NUP155: variants seen among roughly 807,000 people sequenced by gnomAD.
NUP155 encodes nucleoporin 155.
Under a neutral mutation model 180.4 loss-of-function variants are expected in NUP155, and 71 were observed. The observed-to-expected ratio is 0.39, with a 90% confidence interval of 0.33 to 0.48. The LOEUF is 0.48. NUP155 is among the 20% of genes least tolerant of loss of function. The probability of loss-of-function intolerance (pLI) is 0.91; values close to 1 mark genes in which losing one functional copy is unlikely to be tolerated. For synonymous variants in NUP155, 582 were observed against 559.5 expected (o/e 1.04, Z -0.57); for missense variants, 1,553 against 1,648.9 (o/e 0.94, Z 1.01).
At chr5:37,317,227 A>G (rs944397168) in intron 21 of NUP155, among the ~76,000 whole-genome samples, 9 of 147,980 alleles carry the variant, frequency 6.1e-5, no homozygotes, top group Non-Finnish European at 1.3e-4. Flanking sequence ...GGTGGCTCAC[A>G]TCTGTAATCC....
chr5:37,319,724 A>G (rs977012896), intron 20 of NUP155, among the ~76,000 whole-genome samples: 1 of 152,180 alleles, frequency 6.6e-6, no homozygotes, highest in Admixed American at 6.5e-5. Flanking sequence ...TAAAAAAATT[A>G]GCTGAGCATG....
chr5:37,327,903 C>T (rs575781697), intron 17 of NUP155, 127 bp from the exon 18 acceptor site: 1 of 1,033,816 alleles, frequency 9.7e-7, no homozygotes, highest in Non-Finnish European at 1.4e-6. Flanking sequence ...ATTCTCATAA[C>T]CCAAGTTTGT....
intron 1 of NUP155, among the ~76,000 whole-genome samples, chr5:37,365,159 G>C (rs984116194): frequency 6.6e-6 from 1 of 151,786 alleles, no homozygotes; most frequent in Non-Finnish European, 1.5e-5. Flanking sequence ...CTACTGCGGA[G>C]GCTGAGGCAG....
chr5:37,293,063 C>T, intron 33 of NUP155, 78 bp from the exon 34 acceptor site: 1 of 957,478 alleles, frequency 1.0e-6, no homozygotes, highest in Non-Finnish European at 1.7e-6. Flanking sequence ...CTAAAGTAGA[C>T]ATCAGGATCC....
At chr5:37,344,267 C>T (rs1263996399) in intron 9 of NUP155, among the ~76,000 whole-genome samples, 1 of 149,616 alleles carries the variant, frequency 6.7e-6, no homozygotes, top group African/African-American at 2.5e-5. Flanking sequence ...CACTGGAACT[C>T]GGAGGCAGAG....
At chr5:37,309,389 A>T in intron 23 of NUP155, 122 bp from the exon 24 acceptor site, 1 of 804,648 alleles carries the variant, frequency 1.2e-6, no homozygotes, top group Non-Finnish European at 1.9e-6. Context: ...AATGAAAACA[A>T]CTCTACAAAC....
intron 32 of NUP155, 115 bp from the exon 33 acceptor site, chr5:37,294,580 A>G (rs993846291): frequency 9.6e-7 from 1 of 1,041,600 alleles, no homozygotes; most frequent in Non-Finnish European, 1.4e-6. Context: ...TCCAATTGCA[A>G]TTTTTTGGGG....
At chr5:37,306,624 C>T (rs186087232) in intron 25 of NUP155, among the ~76,000 whole-genome samples, 206 of 151,870 alleles carry the variant, frequency 1.4e-3, no homozygotes, top group Non-Finnish European at 2.0e-3. Context: ...TGCACCACCA[C>T]GCCTGGCTAA....
Position 37,302,715 on chromosome 5 carries a change from G to A in NUP155, c.3447+64C>T, listed in dbSNP as rs192489784. 2.1e-5 allele frequency: 32 copies of A among 1,541,486 alleles called. No homozygotes were observed. In the African/African-American group the frequency reaches 4.2e-4, roughly 20 times the overall value. ...CCTATTACTTACCAAGGGAAGAATG[G>A]AATGTGGAATAACTATGTGGCTAGT... On this transcript the variant is annotated intron_variant, in intron 29 of 34. Transcript: ENST00000231498.
intron 1 of NUP155, among the ~76,000 whole-genome samples, chr5:37,366,930 G>A (rs995532249): frequency 2.2e-4 from 34 of 152,228 alleles, no homozygotes; most frequent in African/African-American, 6.5e-4. Context: ...GATTACAGGC[G>A]TGAGCCACCG....
At chr5:37,295,820 C>T (rs1203803723) in intron 32 of NUP155, among the ~76,000 whole-genome samples, 3 of 151,210 alleles carry the variant, frequency 2.0e-5, no homozygotes, top group Non-Finnish European at 4.4e-5. Context: ...GCAGCCGCCC[C>T]GTCTGAGAAG....
chr5:37,332,922 C>G lies in NUP155; in HGVS notation c.1518+541G>C, dbSNP rs537184661. Among the ~76,000 whole-genome samples the G allele has an allele frequency of 7.2e-5, 11 of 151,798 alleles. No individual in the cohort carries two copies. In the East Asian group the frequency reaches 2.1e-3, roughly 30 times the overall value. On this transcript the variant is annotated intron_variant, in intron 13 of 34. Transcript: ENST00000231498. ...CCGTAAGCCAAGACTGTGCACCACA[C>G]TCCAGCCTGGGTGACAGATTAAGAC...
chr5:37,371,051 A>G lies in NUP155; in HGVS notation c.-74T>C, dbSNP rs1747939043. ...GAAACAAGAAAAGATCCAAGAAGTT[A>G]GCTTAGATCCGCCGCCTAGGGCGCG... On this transcript the variant is annotated 5_prime_UTR_variant, in exon 1 of 35. Coordinates refer to ENST00000231498, the MANE Select transcript of NUP155 (RefSeq NM_153485.3). 11 of 1,535,068 alleles carry G rather than the reference A, an allele frequency of 7.2e-6. No homozygotes were observed. The highest frequency in any genetic ancestry group is 2.3e-5 in the East Asian group (1 of 44,442).
Position 37,310,980 on chromosome 5 carries a change from A to G in NUP155, c.2437-237T>C, listed in dbSNP as rs570111051. On this transcript the variant is annotated intron_variant, in intron 22 of 34. Transcript: ENST00000231498. Reference sequence around the variant, plus strand: ...CTCACTTTCCAAATGAGAAAAGTAAAGCTTAAGTAGAGCCAAAACTAGAGT... The same window carrying G: ...CTCACTTTCCAAATGAGAAAAGTAAGGCTTAAGTAGAGCCAAAACTAGAGT... Among the ~76,000 whole-genome samples the G allele has an allele frequency of 1.4e-4, 22 of 152,318 alleles. No homozygotes were observed. In the East Asian group the frequency reaches 2.9e-3, roughly 20 times the overall value.
chr5:37,304,617 A>G, intron 27 of NUP155, 122 bp downstream of exon 27: 1 of 745,798 alleles, frequency 1.3e-6, no homozygotes, highest in South Asian at 1.6e-5. Context: ...TCAGCTTTAT[A>G]CTAACATCTA....
Position 37,363,999 on chromosome 5 carries a change from A to T in NUP155, c.296-15T>A. The stretch of plus-strand genomic sequence containing the variant: ...ACACTGCATATCTGAGGTAGTGTGG[A>T]TGTAAGGCAGACAGAGGTGAATCTT... On this transcript the variant is annotated splice_polypyrimidine_tract_variant and intron_variant, in intron 2 of 34. Transcript: ENST00000231498. 6.4e-7 allele frequency: 1 copy of T among 1,553,882 alleles called. No individual in the cohort carries two copies. The highest frequency in any genetic ancestry group is 8.9e-7 in the Non-Finnish European group (1 of 1,125,110).
intron 10 of NUP155, among the ~76,000 whole-genome samples, chr5:37,341,532 GTTTTAT>G (rs775649287): frequency 7.9e-5 from 12 of 151,614 alleles, no homozygotes; most frequent in African/African-American, 2.4e-4. Context: ...CGTCTAATTT[GTTTTAT>G]TTTTATTTTT....
intron 5 of NUP155, among the ~76,000 whole-genome samples, 183 bp from the exon 6 acceptor site, chr5:37,351,539 CG>C (rs1561807431): frequency 6.6e-6 from 1 of 151,876 alleles, no homozygotes; most frequent in African/African-American, 2.4e-5. Context: ...CTCTACCTCC[CG>C]GGTTCATGCC....
intron 12 of NUP155, among the ~76,000 whole-genome samples, chr5:37,334,273 T>C (rs373892784): frequency 6.6e-5 from 10 of 152,216 alleles, no homozygotes; most frequent in Admixed American, 4.6e-4. Flanking sequence ...CGCCTAATTT[T>C]TCTATGTTTT....
Sources: gnomAD v4.1 joint callset for allele counts (sites outside exome capture counted in the v4.1 genomes callset) on GRCh38, gnomAD v4.1.1 for gene constraint, MANE v1.5 for transcripts, NCBI Gene and HGNC (gene_info 2026-07-23, HGNC 2026-07-21) for gene names.